C4orf36: variants seen among roughly 807,000 people sequenced by gnomAD.
The protein encoded by C4orf36 is chromosome 4 open reading frame 36.
A neutral mutation model predicts 12.2 loss-of-function variants in C4orf36; 11 were observed. The ratio of observed to expected loss-of-function variants is 0.90; its 90% confidence interval spans 0.57 to 1.49. C4orf36 has a LOEUF of 1.49. Ranked by LOEUF, C4orf36 falls within the 40% of genes most tolerant of loss-of-function variation. C4orf36 has a pLI of 0.00. For synonymous variants in C4orf36, 54 were observed against 51.3 expected (o/e 1.05, Z -0.22); for missense variants, 137 against 133.9 (o/e 1.02, Z -0.11).
At chr4:86,918,140 T>C in the C4orf36 span, among the ~76,000 whole-genome samples, 2 of 152,198 alleles carry the variant, frequency 1.3e-5, no homozygotes, top group Non-Finnish European at 2.9e-5. Flanking sequence ...ACTAATCCCA[T>C]TCATGAGGGC....
At chr4:86,917,083 GC>G in the C4orf36 span, among the ~76,000 whole-genome samples, 1 of 152,114 alleles carries the variant, frequency 6.6e-6, no homozygotes, top group East Asian at 1.9e-4. Context: ...TTCGAGACCA[GC>G]CTGGGCAACA....
chr4:86,906,728 CAAAAAAAAAAAA>C, the C4orf36 span, among the ~76,000 whole-genome samples: 3 of 78,830 alleles, frequency 3.8e-5, no homozygotes, highest in Non-Finnish European at 6.6e-5. Context: ...AAGACGGTCT[CAAAAAAAAAAAA>C]AAAAAAAAAA....
At chr4:86,898,345 T>A in the C4orf36 span, among the ~76,000 whole-genome samples, 2 of 151,846 alleles carry the variant, frequency 1.3e-5, no homozygotes, top group Admixed American at 1.3e-4. Context: ...TGAGCCGAGA[T>A]CATGCCACTG....
chr4:86,893,532 GC>G (rs1747506449), upstream of C4orf36, among the ~76,000 whole-genome samples: 1 of 151,552 alleles, frequency 6.6e-6, no homozygotes, highest in African/African-American at 2.4e-5. Flanking sequence ...GTTGCAGTGA[GC>G]CGAGATGGCG....
chr4:86,887,920 C>T (rs56099094), intron 3 of C4orf36, 27 bp from the exon 4 acceptor site: 1 of 1,613,210 alleles, frequency 6.2e-7, no homozygotes, highest in South Asian at 1.1e-5. Flanking sequence ...ACAAAACAAT[C>T]TGACATACAT....
At chr4:86,898,441 T>C in the C4orf36 span, among the ~76,000 whole-genome samples, 5 of 152,074 alleles carry the variant, frequency 3.3e-5, no homozygotes, top group African/African-American at 1.2e-4. Context: ...CTCACACCTG[T>C]AATCCCAGCA....
At chr4:86,918,293 A>C in the C4orf36 span, among the ~76,000 whole-genome samples, 1 of 152,176 alleles carries the variant, frequency 6.6e-6, no homozygotes, top group Non-Finnish European at 1.5e-5. Flanking sequence ...CACACTTTTA[A>C]AGATCGGATT....
chr4:86,913,943 G>T, the C4orf36 span: 1 of 1,469,302 alleles, frequency 6.8e-7, no homozygotes, highest in Non-Finnish European at 9.4e-7. Context: ...TCCTGCCTCA[G>T]CCTCCCGAGT....
chr4:86,914,506 T>C, the C4orf36 span: 1 of 494,910 alleles, frequency 2.0e-6, no homozygotes, highest in South Asian at 2.2e-5. Flanking sequence ...GTACCAGCAA[T>C]TCTCCTGCCT....
the C4orf36 span, among the ~76,000 whole-genome samples, chr4:86,906,821 CTT>C: frequency 6.6e-6 from 1 of 151,170 alleles, no homozygotes; most frequent in Admixed American, 6.6e-5. Flanking sequence ...AGGCAGATCA[CTT>C]GAGGTCAGGA....
At chr4:86,925,569 T>A in the C4orf36 span, 1 of 152,150 alleles carries the variant, frequency 6.6e-6, no homozygotes. Flanking sequence ...AAATATGAAA[T>A]TCTAAGCTCT....
At chr4:86,916,760 A>G in the C4orf36 span, among the ~76,000 whole-genome samples, 3 of 152,206 alleles carry the variant, frequency 2.0e-5, no homozygotes, top group Non-Finnish European at 4.4e-5. Context: ...GTCCACCATC[A>G]TGGTATTCCA....
At chr4:86,918,236 T>A in the C4orf36 span, among the ~76,000 whole-genome samples, 2 of 152,140 alleles carry the variant, frequency 1.3e-5, no homozygotes, top group Admixed American at 1.3e-4. Flanking sequence ...ATATGAATTT[T>A]GGGGGGGACA....
the C4orf36 span, among the ~76,000 whole-genome samples, chr4:86,909,893 T>TAAAA: frequency 4.1e-3 from 299 of 73,258 alleles, 3 homozygotes; most frequent in East Asian, 0.021. Context: ...GAGGAAGACT[T>TAAAA]AAAAAAAAAA....
the C4orf36 span, among the ~76,000 whole-genome samples, chr4:86,922,095 C>A: frequency 5.9e-5 from 9 of 152,006 alleles, no homozygotes; most frequent in East Asian, 5.8e-4. Context: ...AAGGATAATT[C>A]AAAAAAACAC....
At position 86,892,271 on chromosome 4, in the gene C4orf36, G is replaced by A. The variant is rs1747451425; in HGVS notation, c.-162C>T. 11 of 985,878 alleles carry A rather than the reference G, an allele frequency of 1.1e-5. No individual in the cohort carries two copies. Among genetic ancestry groups the A allele is most frequent in the Non-Finnish European group, 1.3e-5 (11 of 830,294 alleles). The allele number at this position is 985,878 out of a possible 1,614,324, so 61.1% of individuals were successfully genotyped here. A position where few individuals can be genotyped will look rare whatever the true frequency, so the allele number is the denominator to read the frequency against. Reference sequence around the variant, plus strand: ...CGGGTCCCCGCGAGCCGGCGCCGGCGGCCTGGTTACCCGGGCTCCAGGGGC... The same window carrying A: ...CGGGTCCCCGCGAGCCGGCGCCGGCAGCCTGGTTACCCGGGCTCCAGGGGC... On this transcript the variant is annotated 5_prime_UTR_variant, in exon 1 of 5. Coordinates refer to ENST00000295898, the MANE Select transcript of C4orf36 (RefSeq NM_144645.4).
At chr4:86,877,506 A>C (rs1372193722) in intron 4 of C4orf36, among the ~76,000 whole-genome samples, 1 of 152,202 alleles carries the variant, frequency 6.6e-6, no homozygotes, top group Non-Finnish European at 1.5e-5. Context: ...GAATTTTATG[A>C]GGCAAATTTG....
At chr4:86,928,601 T>A in the C4orf36 span, among the ~76,000 whole-genome samples, 5 of 152,224 alleles carry the variant, frequency 3.3e-5, no homozygotes, top group Admixed American at 3.3e-4. Context: ...CATCTATCTC[T>A]GACTTGGGGT....
the C4orf36 span, among the ~76,000 whole-genome samples, chr4:86,902,022 G>T: frequency 6.6e-6 from 1 of 152,134 alleles, no homozygotes; most frequent in Non-Finnish European, 1.5e-5. Context: ...GACACATATA[G>T]ATACACAGAA....
Sources: gnomAD v4.1 joint callset for allele counts (sites outside exome capture counted in the v4.1 genomes callset) on GRCh38, gnomAD v4.1.1 for gene constraint, MANE v1.5 for transcripts, NCBI Gene and HGNC (gene_info 2026-07-23, HGNC 2026-07-21) for gene names.